The following DEFB134 variants were observed in gnomAD, a reference collection of about 807,000 sequenced individuals.
DEFB134 encodes defensin beta 134, also known as beta-defensin 134.
A neutral mutation model predicts 7.4 loss-of-function variants in DEFB134; 7 were observed. That is an observed-to-expected ratio of 0.95 (90% CI 0.54 to 1.79). DEFB134 has a LOEUF of 1.79. DEFB134 is among the 40% of genes most tolerant of loss of function. The pLI, the probability that DEFB134 is intolerant of heterozygous loss-of-function variation, is 0.00. For missense variants in DEFB134, 105 were observed against 74.8 expected, an observed-to-expected ratio of 1.40 and a Z score of -1.49; for synonymous variants, 33 against 25.0, an observed-to-expected ratio of 1.32 and a Z score of -0.96.
chr8:11,994,012 C>G (rs139123746), exon 2 of DEFB134: 22 of 1,613,770 alleles, frequency 1.4e-5, no homozygotes, highest in Non-Finnish European at 1.9e-5. Flanking sequence ...ACACAGCACT[C>G]CAGCTGAAAC....
upstream of DEFB134, among the ~76,000 whole-genome samples, chr8:11,997,373 G>A (rs777714133): frequency 4.6e-5 from 7 of 152,114 alleles, no homozygotes; most frequent in Non-Finnish European, 1.0e-4. Flanking sequence ...AAGCTGCTAT[G>A]GACATTCATG....
upstream of DEFB134, among the ~76,000 whole-genome samples, chr8:12,000,299 T>A (rs1230381718): frequency 1.3e-5 from 2 of 152,210 alleles, no homozygotes; most frequent in Non-Finnish European, 2.9e-5. Context: ...GATTAGACTG[T>A]GAAATCCGAG....
rs1585091137 is a variant in DEFB134 at position 11,994,046 on chromosome 8, A to G, written c.135T>C (p.Ser45=). The G allele has an allele frequency of 2.5e-6, 4 of 1,613,690 alleles. No individual in the cohort carries two copies. In the East Asian group the frequency reaches 8.9e-5, roughly 36 times the overall value. ...ACATACAGTAGGCAACTAACATTTC[A>G]CTCTCATAGCATTCAAGTCTGCAGA... The change falls in exon 2 of 2, where the codon AGT becomes AGC. Residue 45 remains serine (S), a synonymous_variant. Coordinates refer to ENST00000526438, the Ensembl canonical transcript of DEFB134.
upstream of DEFB134, among the ~76,000 whole-genome samples, chr8:11,997,156 G>A (rs1585093503): frequency 6.6e-6 from 1 of 152,122 alleles, no homozygotes; most frequent in Non-Finnish European, 1.5e-5. Flanking sequence ...GGAATTTCAT[G>A]TGAATAGAAT....
At chr8:11,995,287 T>G (rs559545290) in intron 1 of DEFB134, among the ~76,000 whole-genome samples, 1 of 152,222 alleles carries the variant, frequency 6.6e-6, no homozygotes, top group Non-Finnish European at 1.5e-5. Flanking sequence ...ATTGGTTGCA[T>G]CAGCAGCTTT....
upstream of DEFB134, chr8:11,996,361 G>A: frequency 8.1e-7 from 1 of 1,235,746 alleles, no homozygotes; most frequent in Non-Finnish European, 1.2e-6. Flanking sequence ...CAGGGCTGGG[G>A]TATGCCTCGC....
At chr8:11,998,451 AAAAAAAAAAT>A (rs1487345303), upstream of DEFB134, among the ~76,000 whole-genome samples, 4 of 2,000 alleles carry the variant, frequency 2.0e-3, no homozygotes, top group African/African-American at 0.011. Context: ...ACGCTGTCTT[AAAAAAAAAAT>A]AAAAAAAATA....
At chr8:11,993,769 T>C (rs962992373) in exon 2 of DEFB134, 1 of 517,948 alleles carries the variant, frequency 1.9e-6, no homozygotes, top group South Asian at 4.3e-5. Flanking sequence ...TCTTCTACAT[T>C]GTTTTTGTGA....
chr8:11,996,109 T>A, intron 1 of DEFB134, 85 bp downstream of exon 2: 2 of 1,502,248 alleles, frequency 1.3e-6, no homozygotes, highest in Non-Finnish European at 9.2e-7. Context: ...AAAGGGCCCA[T>A]GGGTGGTGTA....
exon 2 of DEFB134, chr8:11,993,876 A>C: frequency 6.8e-7 from 1 of 1,470,414 alleles, no homozygotes; most frequent in Non-Finnish European, 9.1e-7. Context: ...ACCAGTAGTC[A>C]TGGACACATC....
chr8:11,998,444 C>T (rs1800182164), upstream of DEFB134, among the ~76,000 whole-genome samples: 2 of 94,680 alleles, frequency 2.1e-5, no homozygotes, highest in South Asian at 1.0e-3. Context: ...GAGTGAGACG[C>T]TGTCTTAAAA....
upstream of DEFB134, among the ~76,000 whole-genome samples, chr8:11,997,779 T>C (rs4131536): frequency 0.45 from 68,265 of 152,000 alleles, 18,038 homozygotes; most frequent in East Asian, 0.91. Flanking sequence ...ACGAAAGACA[T>C]TGACACCCCA....
chr8:11,996,043 A>G, intron 1 of DEFB134, 151 bp downstream of exon 2: 1 of 872,386 alleles, frequency 1.1e-6, no homozygotes, highest in Non-Finnish European at 1.8e-6. Flanking sequence ...GCCAGATTCA[A>G]GCCCAGGTCT....
chr8:11,996,434 G>A, upstream of DEFB134: 1 of 465,022 alleles, frequency 2.2e-6, no homozygotes, highest in Admixed American at 3.8e-5. Context: ...CTCATCTGAG[G>A]AAAAAAAATG....
At chr8:11,993,964 T>C (rs562733075) in exon 2 of DEFB134, 1 of 1,609,628 alleles carries the variant, frequency 6.2e-7, no homozygotes, top group African/African-American at 1.3e-5. Flanking sequence ...TAGTGGCCAT[T>C]CATTGGTTTC....
chr8:11,993,766 C>T (rs1800040882), exon 2 of DEFB134: 1 of 506,708 alleles, frequency 2.0e-6, no homozygotes. Flanking sequence ...ATATCTTCTA[C>T]ATTGTTTTTG....
At chr8:11,994,102 C>G (rs1585091233) in exon 2 of DEFB134, 4 of 1,612,422 alleles carry the variant, frequency 2.5e-6, no homozygotes, top group Non-Finnish European at 3.4e-6. Flanking sequence ...TTGTGCATTT[C>G]TGATGATAAT....
upstream of DEFB134, among the ~76,000 whole-genome samples, chr8:12,000,010 C>T (rs756179226): frequency 1.3e-5 from 2 of 152,170 alleles, no homozygotes; most frequent in African/African-American, 4.8e-5. Flanking sequence ...TCTCATCTTC[C>T]TGATCTGTGG....
chr8:11,996,050 G>A, intron 1 of DEFB134, 144 bp downstream of exon 2: 1 of 936,356 alleles, frequency 1.1e-6, no homozygotes, highest in Non-Finnish European at 1.6e-6. Flanking sequence ...TCAAGCCCAG[G>A]TCTTGCTGAC....
Sources: gnomAD v4.1 joint callset for allele counts (sites outside exome capture counted in the v4.1 genomes callset) on GRCh38, gnomAD v4.1.1 for gene constraint, MANE v1.5 for transcripts, NCBI Gene and HGNC (gene_info 2026-07-23, HGNC 2026-07-21) for gene names.